The following UGT2B4 variants were observed in gnomAD, a reference collection of about 807,000 sequenced individuals.
UGT2B4 encodes UDP-glucuronosyltransferase 2B4.
A neutral mutation model predicts 49.8 loss-of-function variants in UGT2B4; 49 were observed. The ratio of observed to expected loss-of-function variants is 0.98; its 90% CI spans 0.78 to 1.25. The LOEUF is 1.25. Among genes scored for constraint, UGT2B4 ranks in the 50% most tolerant of loss-of-function variants. UGT2B4 has a pLI of 0.00. For synonymous variants in UGT2B4, 246 were observed against 217.7 expected (o/e 1.13, Z -1.14); for missense variants, 729 against 627.7 (o/e 1.16, Z -1.73).
chr4:69,494,400 C>A (rs1185362378), intron 1 of UGT2B4, among the ~76,000 whole-genome samples: 1 of 151,966 alleles, frequency 6.6e-6, no homozygotes, highest in Non-Finnish European at 1.5e-5. Flanking sequence ...AATATGTTTG[C>A]AAATTACAGC....
At chr4:69,500,606 G>GA (rs1728282840), upstream of UGT2B4, among the ~76,000 whole-genome samples, 147 of 99,594 alleles carry the variant, frequency 1.5e-3, 1 homozygote, top group Middle Eastern at 4.4e-3. Flanking sequence ...AGAAAGCAAG[G>GA]AAGAAAGAAA....
chr4:69,491,802 A>C (rs1332379619), intron 2 of UGT2B4, among the ~76,000 whole-genome samples: 1 of 151,856 alleles, frequency 6.6e-6, no homozygotes, highest in Non-Finnish European at 1.5e-5. Context: ...GTGGGACAGA[A>C]TTTTCATTAG....
chr4:69,486,622 C>CT lies in UGT2B4; in HGVS notation c.1076dup (p.Asn360GlufsTer2), dbSNP rs867024003. On this transcript the variant is annotated frameshift_variant, in exon 4 of 6. Transcript: ENST00000305107. LOFTEE classifies it high-confidence loss of function. ...TCAGAGACTTACCAAGAAGATCATT[C>CT]TGGGGTATCCACTTGTACAGCCGAG... The CT allele has an allele frequency of 1.2e-6, 2 of 1,602,760 alleles. No individual in the cohort carries two copies. The highest frequency in any genetic ancestry group is 1.7e-6 in the Non-Finnish European group (2 of 1,175,946).
intron 5 of UGT2B4, among the ~76,000 whole-genome samples, chr4:69,484,908 TCTTTC>T (rs1484269199): frequency 1.3e-5 from 2 of 152,184 alleles, no homozygotes; most frequent in Non-Finnish European, 1.5e-5. Context: ...GTCAAGTTTA[TCTTTC>T]CTTTCTACTG....
At chr4:69,504,210 AC>A in intron 1 of UGT2B4, among the ~76,000 whole-genome samples, 1 of 152,338 alleles carries the variant, frequency 6.6e-6, no homozygotes, top group East Asian at 1.9e-4. Context: ...AAGGTTCAGA[AC>A]CAGGCTGAGG....
intron 2 of UGT2B4, among the ~76,000 whole-genome samples, chr4:69,492,329 T>C (rs1421222884): frequency 6.6e-6 from 1 of 152,102 alleles, no homozygotes; most frequent in Admixed American, 6.6e-5. Context: ...ATGATTTAAA[T>C]GCTTTAGTAA....
rs368457483 is a variant in UGT2B4 at position 69,480,903 on chromosome 4, C to T, written c.1318G>A (p.Glu440Lys). 4.2e-5 allele frequency: 67 copies of T among 1,613,178 alleles called. No homozygotes were observed. The African/African-American group carries it at 7.1e-4, about 17-fold the overall frequency. The change falls in exon 6 of 6, where the codon GAG becomes AAG. Residue 440 changes from glutamate to lysine, a missense_variant. Glu to Lys is a moderately conservative substitution (Grantham distance 56, BLOSUM62 1). Transcript: ENST00000305107. ...KTVINDPLYK[E>K]NAMKLSRIHH... ...ATTCTTGATAATTTCATAGCATTCT[C>T]TTTATATCTAAACGATAAGCAGAAA...
At chr4:69,516,046 T>C (rs2009889) in intron 1 of UGT2B4, among the ~76,000 whole-genome samples, 144,271 of 152,188 alleles carry the variant, frequency 0.95, 68,869 homozygotes, top group East Asian at 1. Context: ...GTCATATGTC[T>C]GTGTCTTCTC....
chr4:69,486,252 A>G (rs1727777266), intron 4 of UGT2B4, among the ~76,000 whole-genome samples: 1 of 152,182 alleles, frequency 6.6e-6, no homozygotes, highest in Admixed American at 6.5e-5. Context: ...TGATAGCAGA[A>G]GAGCTGTTAC....
chr4:69,480,572 T>G lies in UGT2B4; in HGVS notation c.*62A>C. 1 of 1,549,944 alleles carries G rather than the reference T, an allele frequency of 6.5e-7. No homozygotes were observed. Among genetic ancestry groups the G allele is most frequent in the Non-Finnish European group, 8.7e-7 (1 of 1,147,204 alleles). ...GAATCTCTTGTATCACAACGTCTTC[T>G]TGTTGTAATAAACTAAAGGAGTTCA... On this transcript the variant is annotated 3_prime_UTR_variant, in exon 6 of 6. Transcript: ENST00000305107.
At position 69,495,140 on chromosome 4, in the gene UGT2B4, C is replaced by T; in HGVS notation, c.721+1G>A. ...TGTTACCAATCAAAAAAGTTACTTACCTAGAACTTCACTGTAGAACTGATC... is the reference window on the plus strand; with the variant it reads ...TGTTACCAATCAAAAAAGTTACTTATCTAGAACTTCACTGTAGAACTGATC... On this transcript the variant is annotated splice_donor_variant, in intron 1 of 5. Transcript: ENST00000305107. LOFTEE classifies it high-confidence loss of function. 1 of 1,525,944 alleles carries T rather than the reference C, an allele frequency of 6.6e-7. No individual in the cohort carries two copies. Among genetic ancestry groups the T allele is most frequent in the Non-Finnish European group, 8.8e-7 (1 of 1,142,574 alleles). 94.5% of individuals were successfully genotyped at this position (1,525,944 alleles called of 1,614,324 possible). A position where few individuals can be genotyped will look rare whatever the true frequency, so the allele number is the denominator to read the frequency against.
chr4:69,495,845 G>T lies in UGT2B4; in HGVS notation c.17C>A (p.Thr6Asn). ...CAGCTGTATCAGCAGAAGAGCTGAA[G>T]TCCATTTCATAGACATCCTGATGCA... MSMKWTSALLLIQLSC... is the reference protein window; with the variant it reads MSMKWNSALLLIQLSC... The change falls in exon 1 of 6, where the codon ACT becomes AAT. Residue 6 changes from threonine to asparagine, a missense_variant. Coordinates refer to ENST00000305107, the MANE Select transcript of UGT2B4 (RefSeq NM_021139.3). 2 of 1,595,298 alleles carry T rather than the reference G, an allele frequency of 1.3e-6. No individual in the cohort carries two copies. The highest frequency in any genetic ancestry group is 1.7e-6 in the Non-Finnish European group (2 of 1,173,640).
At chr4:69,512,722 T>TG (rs1553897462) in intron 1 of UGT2B4, among the ~76,000 whole-genome samples, 10 of 139,644 alleles carry the variant, frequency 7.2e-5, no homozygotes, top group South Asian at 2.2e-4. Flanking sequence ...TCTGTTTTTT[T>TG]TTTGTTTGTT....
Position 69,495,872 on chromosome 4 carries a change from T to A in UGT2B4, c.-11A>T, listed in dbSNP as rs751614670. 6.4e-6 allele frequency: 10 copies of A among 1,562,930 alleles called. No homozygotes were observed. The South Asian group carries it at 1.1e-4, about 17-fold the overall frequency. ...CCATTTCATAGACATCCTGATGCAA[T>A]GCAATGCTTGTTTTCCAGTTGCTGC... On this transcript the variant is annotated 5_prime_UTR_variant, in exon 1 of 6. Coordinates refer to ENST00000305107, the MANE Select transcript of UGT2B4 (RefSeq NM_021139.3).
chr4:69,482,295 C>T (rs1479937505), intron 5 of UGT2B4, among the ~76,000 whole-genome samples: 1 of 152,142 alleles, frequency 6.6e-6, no homozygotes, highest in Non-Finnish European at 1.5e-5. Flanking sequence ...TTATTTGATT[C>T]CTATAATCTT....
intron 1 of UGT2B4, among the ~76,000 whole-genome samples, chr4:69,512,927 G>T (rs1217725851): frequency 2.0e-5 from 3 of 151,978 alleles, no homozygotes; most frequent in Non-Finnish European, 2.9e-5. Flanking sequence ...TATTGCTGGG[G>T]TTGTTTGTTT....
Position 69,489,434 on chromosome 4 carries a change from C to A in UGT2B4, c.1002+5G>T. ...TTTTTACACCATTAAAACATTTTAT[C>A]TTACCTTTTGTGGGATCTTGGCAAG... is the stretch of plus-strand genomic sequence containing the variant. On this transcript the variant is annotated splice_donor_5th_base_variant and intron_variant, in intron 3 of 5. Transcript: ENST00000305107. The A allele has an allele frequency of 6.2e-7, 1 of 1,609,398 alleles. No homozygotes were observed. The highest frequency in any genetic ancestry group is 8.5e-7 in the Non-Finnish European group (1 of 1,177,134).
chr4:69,500,606 G>GAAGAAAGCAAGAAAGAAAGA (rs1728283129), upstream of UGT2B4, among the ~76,000 whole-genome samples: 1 of 99,510 alleles, frequency 1.0e-5, no homozygotes, highest in African/African-American at 4.3e-5. Context: ...AGAAAGCAAG[G>GAAGAAAGCAAGAAAGAAAGA]AAGAAAGAAA....
At chr4:69,503,499 C>A (rs556619711) in intron 1 of UGT2B4, among the ~76,000 whole-genome samples, 1 of 152,270 alleles carries the variant, frequency 6.6e-6, no homozygotes, top group South Asian at 2.1e-4. Flanking sequence ...AGTACACCCT[C>A]CTACTGCACC....
Sources: allele counts gnomAD v4.1 joint callset (sites outside exome capture counted in the v4.1 genomes callset), GRCh38; gene constraint gnomAD v4.1.1; transcripts MANE v1.5; gene names NCBI Gene and HGNC (gene_info 2026-07-23, HGNC 2026-07-21).